The following ZNF431 variants were observed in gnomAD, a reference collection of about 807,000 sequenced individuals.
The protein encoded by ZNF431 is zinc finger protein 431.
In ZNF431, 34 loss-of-function variants were observed where a neutral mutation model predicts 57.0. The ratio of observed to expected loss-of-function variants is 0.60; its 90% CI spans 0.45 to 0.79. The LOEUF (loss-of-function observed/expected upper bound fraction) is 0.79. ZNF431 is among the 30% of genes least tolerant of loss of function. The pLI, the probability that ZNF431 is intolerant of heterozygous loss-of-function variation, is 0.00. For synonymous variants in ZNF431, 207 were observed against 220.3 expected, an observed-to-expected ratio of 0.94 and a Z score of 0.54; for missense variants, 607 against 667.1, an observed-to-expected ratio of 0.91 and a Z score of 0.99.
intron 2 of ZNF431, among the ~76,000 whole-genome samples, chr19:21,160,984 A>G (rs1413180438): frequency 6.6e-6 from 1 of 152,154 alleles, no homozygotes; most frequent in Middle Eastern, 3.2e-3. Context: ...CCTGGCCAAC[A>G]TGGTGAAACC....
In ZNF431 at chr19:21,190,627, T is replaced by A. The variant is rs1971490274; in HGVS notation, c.*6593T>A. 1 of 151,820 alleles carries A rather than the reference T, an allele frequency of 6.6e-6. No homozygotes were observed. The highest frequency in any genetic ancestry group is 2.4e-5 in the African/African-American group (1 of 41,352). The allele number at this position is 151,820 out of a possible 1,614,324, so 9.4% of individuals were successfully genotyped here. On this transcript the variant is annotated 3_prime_UTR_variant, in exon 5 of 5. Coordinates refer to ENST00000311048, the MANE Select transcript of ZNF431 (RefSeq NM_133473.4). Reference sequence around the variant, plus strand: ...TATATCCGTTGGACATATGTATGACTTTTCTTGAAAAATATTTATTTCAGC... The same window carrying A: ...TATATCCGTTGGACATATGTATGACATTTCTTGAAAAATATTTATTTCAGC...
At chr19:21,177,656 C>T (rs1971097472) in intron 4 of ZNF431, among the ~76,000 whole-genome samples, 1 of 152,080 alleles carries the variant, frequency 6.6e-6, no homozygotes, top group African/African-American at 2.4e-5. Flanking sequence ...GGCATGGTGG[C>T]ACATTCCTGT....
intron 4 of ZNF431, among the ~76,000 whole-genome samples, chr19:21,171,712 A>ATTTT (rs550012306): frequency 1.1e-5 from 1 of 90,902 alleles, no homozygotes; most frequent in Non-Finnish European, 2.1e-5. Context: ...ATATATATAT[A>ATTTT]TTTTTTTTTT....
chr19:21,143,590 A>G lies in ZNF431; in HGVS notation c.43A>G (p.Ser15Gly), dbSNP rs1970001064. Reference sequence around the variant, plus strand: ...TGGAGTGTATCCTCTCAAGGAAGCAAGTGGATGCCCTGGGGCTGAGAGGAA... The same window carrying G: ...TGGAGTGTATCCTCTCAAGGAAGCAGGTGGATGCCCTGGGGCTGAGAGGAA... ...KYGVYPLKEA[S>G]GCPGAERNLL... is the part of the protein sequence containing the mutation. Residue 15 changes from serine to glycine, a missense_variant, in exon 2 of 5, where the codon AGT becomes GGT. By Grantham distance (56) the Ser-to-Gly change is moderately conservative (BLOSUM62 0). Coordinates refer to ENST00000311048, the MANE Select transcript of ZNF431 (RefSeq NM_133473.4). 6.2e-7 allele frequency: 1 copy of G among 1,614,044 alleles called. No individual in the cohort carries two copies. Among genetic ancestry groups the G allele is most frequent in the Non-Finnish European group, 8.5e-7 (1 of 1,179,904 alleles).
chr19:21,163,045 C>A (rs140714829), intron 2 of ZNF431, among the ~76,000 whole-genome samples: 4 of 151,890 alleles, frequency 2.6e-5, no homozygotes, highest in African/African-American at 7.3e-5. Context: ...AATGCTGAAC[C>A]CTTTATCTAA....
chr19:21,166,647 T>C (rs972636142), intron 3 of ZNF431, among the ~76,000 whole-genome samples, 186 bp downstream of exon 3: 1 of 152,218 alleles, frequency 6.6e-6, no homozygotes, highest in East Asian at 1.9e-4. Flanking sequence ...TGATCTGAAC[T>C]TTCCACATTC....
At chr19:21,173,574 C>T (rs1463829911) in intron 4 of ZNF431, among the ~76,000 whole-genome samples, 1 of 152,048 alleles carries the variant, frequency 6.6e-6, no homozygotes, top group Non-Finnish European at 1.5e-5. Flanking sequence ...CTGCTGTTGT[C>T]ACCCAGGCAA....
At chr19:21,150,718 C>G (rs1970246671) in intron 2 of ZNF431, among the ~76,000 whole-genome samples, 1 of 152,094 alleles carries the variant, frequency 6.6e-6, no homozygotes, top group Non-Finnish European at 1.5e-5. Context: ...TTTCTCTGAT[C>G]CAAATATGAA....
chr19:21,155,000 G>A (rs1185337649), intron 2 of ZNF431, among the ~76,000 whole-genome samples: 3 of 152,128 alleles, frequency 2.0e-5, no homozygotes, highest in Non-Finnish European at 4.4e-5. Context: ...GGTTTCTTTT[G>A]CTGTGCAGAA....
intron 4 of ZNF431, among the ~76,000 whole-genome samples, chr19:21,179,308 C>A (rs1971145404): frequency 6.6e-6 from 1 of 151,984 alleles, no homozygotes; most frequent in African/African-American, 2.4e-5. Flanking sequence ...CAAAAAAAAC[C>A]AGCTCCTGGA....
rs1971379299 is a variant in ZNF431 at position 21,186,535 on chromosome 19, CTA to C, written c.*2502_*2503del. 2 of 152,064 alleles carry C rather than the reference CTA, an allele frequency of 1.3e-5. No individual in the cohort carries two copies. Among genetic ancestry groups the C allele is most frequent in the Admixed American group, 1.3e-4 (2 of 15,266 alleles). The allele number at this position is 152,064 out of a possible 1,614,324, so 9.4% of individuals were successfully genotyped here. On this transcript the variant is annotated 3_prime_UTR_variant, in exon 5 of 5. Coordinates refer to ENST00000311048, the MANE Select transcript of ZNF431 (RefSeq NM_133473.4). ...TTTTAATATGGTGACTACTATAAAACTAAAAACCTAAAAAATGCTGAAAGCAA... is the reference window on the plus strand; with the variant it reads ...TTTTAATATGGTGACTACTATAAAACAAAACCTAAAAAATGCTGAAAGCAA...
At chr19:21,144,670 A>G (rs1214026847) in intron 2 of ZNF431, among the ~76,000 whole-genome samples, 1 of 152,156 alleles carries the variant, frequency 6.6e-6, no homozygotes, top group Non-Finnish European at 1.5e-5. Flanking sequence ...GTGCATTCAA[A>G]CAGAATTCCA....
chr19:21,180,355 C>T (rs956462934), intron 4 of ZNF431, among the ~76,000 whole-genome samples: 4 of 152,144 alleles, frequency 2.6e-5, no homozygotes, highest in Admixed American at 1.3e-4. Flanking sequence ...TTCAGGAGCT[C>T]TAGCAAGGCA....
At chr19:21,162,683 T>A (rs1006804079) in intron 2 of ZNF431, 1 of 975,030 alleles carries the variant, frequency 1.0e-6, no homozygotes, top group Middle Eastern at 5.3e-4. Flanking sequence ...TTTAAAAAGA[T>A]GAGAGTTTTT....
In ZNF431 at chr19:21,166,322, T is replaced by G. The variant is rs1302777594; in HGVS notation, c.97-13T>G. ...GGTAAATATATGTGTGTCTCTGTGC[T>G]TGTGTTTTTCAGGAGACATTGACAT... is the stretch of plus-strand genomic sequence containing the variant. On this transcript the variant is annotated splice_polypyrimidine_tract_variant and intron_variant, in intron 2 of 4. Transcript: ENST00000311048. The G allele has an allele frequency of 6.2e-7, 1 of 1,611,430 alleles. No homozygotes were observed. The highest frequency in any genetic ancestry group is 1.7e-5 in the Admixed American group (1 of 59,332).
intron 4 of ZNF431, among the ~76,000 whole-genome samples, chr19:21,170,565 G>A (rs748552402): frequency 1.3e-4 from 20 of 152,060 alleles, no homozygotes; most frequent in Non-Finnish European, 2.5e-4. Context: ...ATTTAAGTTC[G>A]CTGCAGGTAA....
In ZNF431 at chr19:21,187,158, T is replaced by TC. The variant is rs1971392547; in HGVS notation, c.*3126dup. 1 of 152,170 alleles carries TC rather than the reference T, an allele frequency of 6.6e-6. No individual in the cohort carries two copies. Among genetic ancestry groups the TC allele is most frequent in the Admixed American group, 6.5e-5 (1 of 15,276 alleles). 9.4% of individuals were successfully genotyped at this position (152,170 alleles called of 1,614,324 possible). A position where few individuals can be genotyped will look rare whatever the true frequency, so the allele number is the denominator to read the frequency against. On this transcript the variant is annotated 3_prime_UTR_variant, in exon 5 of 5. Transcript: ENST00000311048. ...GTTCATATAGAGAGGACATTTTTTTTCCAGACTGTAAAACTGAATCTTGTT... is the reference window on the plus strand; with the variant it reads ...GTTCATATAGAGAGGACATTTTTTTTCCCAGACTGTAAAACTGAATCTTGTT...
intron 4 of ZNF431, among the ~76,000 whole-genome samples, chr19:21,178,614 A>G (rs416001): frequency 0.75 from 114,175 of 151,992 alleles, 43,575 homozygotes; most frequent in Middle Eastern, 0.86. Context: ...CGATTTTTGT[A>G]TGCTGAACCA....
chr19:21,158,060 T>G (rs1360759610), intron 2 of ZNF431, among the ~76,000 whole-genome samples: 1 of 152,188 alleles, frequency 6.6e-6, no homozygotes, highest in Non-Finnish European at 1.5e-5. Context: ...TAGTTATTTT[T>G]TAGTTAACAG....
Sources: allele counts gnomAD v4.1 joint callset (sites outside exome capture counted in the v4.1 genomes callset), GRCh38; gene constraint gnomAD v4.1.1; transcripts MANE v1.5; gene names NCBI Gene and HGNC (gene_info 2026-07-23, HGNC 2026-07-21).